DLGAP1: variants seen among roughly 807,000 people sequenced by gnomAD.
The protein encoded by DLGAP1 is disks large-associated protein 1.
A neutral mutation model predicts 90.8 loss-of-function variants in DLGAP1; 11 were observed. That is an observed-to-expected ratio of 0.12 (90% CI 0.08 to 0.20). The LOEUF is 0.20. Ranked by LOEUF, DLGAP1 falls within the 10% of genes least tolerant of loss-of-function variation. DLGAP1 has a pLI of 1.00. For missense variants in DLGAP1, 1,050 were observed against 1,333.8 expected (o/e 0.79, Z 3.31); for synonymous variants, 558 against 540.7 (o/e 1.03, Z -0.44).
intron 1 of DLGAP1, among the ~76,000 whole-genome samples, chr18:4,363,089 A>G (rs1225796634): frequency 6.6e-6 from 1 of 152,162 alleles, no homozygotes; most frequent in Admixed American, 6.5e-5. Flanking sequence ...TACTGACCTA[A>G]GATTTACAGG....
At chr18:3,989,476 A>T (rs932374777) in intron 3 of DLGAP1, among the ~76,000 whole-genome samples, 7 of 152,216 alleles carry the variant, frequency 4.6e-5, no homozygotes, top group Non-Finnish European at 1.0e-4. Context: ...CCATTGTATG[A>T]TAACTCGTCA....
At chr18:4,184,045 C>T (rs888826503) in intron 1 of DLGAP1, among the ~76,000 whole-genome samples, 2 of 152,052 alleles carry the variant, frequency 1.3e-5, no homozygotes, top group Non-Finnish European at 2.9e-5. Context: ...TTACGCAAAG[C>T]AAATCTGTAC....
intron 2 of DLGAP1, among the ~76,000 whole-genome samples, chr18:4,040,789 T>A (rs983329641): frequency 1.3e-5 from 2 of 152,196 alleles, no homozygotes; most frequent in Non-Finnish European, 2.9e-5. Context: ...CAAAGCAGGC[T>A]TGGGGTTTCA....
intron 7 of DLGAP1, among the ~76,000 whole-genome samples, chr18:3,676,192 G>C (rs990979988): frequency 2.0e-5 from 3 of 152,232 alleles, no homozygotes; most frequent in Non-Finnish European, 4.4e-5. Flanking sequence ...GAGCAGACAA[G>C]ATGGCGCAGC....
At chr18:4,230,745 T>C (rs1228135277) in intron 1 of DLGAP1, among the ~76,000 whole-genome samples, 1 of 150,276 alleles carries the variant, frequency 6.7e-6, no homozygotes, top group Non-Finnish European at 1.5e-5. Flanking sequence ...ATAATAATTG[T>C]ACATTTTAAG....
At chr18:3,557,345 C>T (rs939607234) in intron 9 of DLGAP1, among the ~76,000 whole-genome samples, 1 of 152,112 alleles carries the variant, frequency 6.6e-6, no homozygotes. Context: ...TATGGTGAAA[C>T]TCCGTCTCTA....
chr18:3,502,139 T>C (rs1598952675), intron 12 of DLGAP1: 1 of 1,089,692 alleles, frequency 9.2e-7, no homozygotes, highest in East Asian at 6.4e-5. Flanking sequence ...AGTTGAACTC[T>C]TGTTCTATGG....
At chr18:4,128,877 T>C (rs1598447758) in intron 2 of DLGAP1, among the ~76,000 whole-genome samples, 1 of 152,174 alleles carries the variant, frequency 6.6e-6, no homozygotes, top group African/African-American at 2.4e-5. Context: ...ACTGAACAAC[T>C]AACTGCTGGT....
intron 4 of DLGAP1, among the ~76,000 whole-genome samples, chr18:3,873,638 TG>T (rs1175260255): frequency 2.0e-5 from 3 of 152,132 alleles, no homozygotes; most frequent in African/African-American, 7.2e-5. Flanking sequence ...TGGGCAAAGA[TG>T]GAAATAATCT....
intron 8 of DLGAP1, among the ~76,000 whole-genome samples, chr18:3,578,575 T>A (rs1228524112): frequency 6.6e-6 from 1 of 152,078 alleles, no homozygotes; most frequent in East Asian, 1.9e-4. Flanking sequence ...CAGGATGGTG[T>A]CGATCTCTTG....
At chr18:3,567,435 T>C in intron 9 of DLGAP1, 55 bp downstream of exon 9, 1 of 1,465,578 alleles carries the variant, frequency 6.8e-7, no homozygotes, top group Non-Finnish European at 9.5e-7. Context: ...GGAAAAATGC[T>C]TTTACCTTAC....
chr18:4,283,053 T>C (rs1051515028), intron 1 of DLGAP1, among the ~76,000 whole-genome samples: 1 of 152,206 alleles, frequency 6.6e-6, no homozygotes, highest in East Asian at 1.9e-4. Flanking sequence ...GGACAGGCTA[T>C]AAGAAGTAGA....
intron 5 of DLGAP1, among the ~76,000 whole-genome samples, chr18:3,758,110 A>G (rs982326831): frequency 7.0e-4 from 83 of 119,184 alleles, no homozygotes; most frequent in African/African-American, 2.8e-3. Flanking sequence ...CTATCTTGAG[A>G]AAAAAAAAAA....
chr18:3,568,736 G>C (rs931990144), intron 8 of DLGAP1, among the ~76,000 whole-genome samples: 8 of 151,932 alleles, frequency 5.3e-5, no homozygotes, highest in Non-Finnish European at 1.0e-4. Flanking sequence ...ACCCAGGCTG[G>C]AGTGCAGTGG....
intron 2 of DLGAP1, among the ~76,000 whole-genome samples, chr18:4,038,952 A>G (rs1021021447): frequency 6.6e-6 from 1 of 152,116 alleles, no homozygotes; most frequent in Non-Finnish European, 1.5e-5. Flanking sequence ...AGTCAAAATC[A>G]AGGCGCCACA....
intron 5 of DLGAP1, among the ~76,000 whole-genome samples, chr18:3,798,914 C>T (rs1033451491): frequency 6.6e-6 from 1 of 151,634 alleles, no homozygotes; most frequent in Non-Finnish European, 1.5e-5. Flanking sequence ...TGCTTTGTTG[C>T]CCAGGCTGGA....
intron 1 of DLGAP1, among the ~76,000 whole-genome samples, chr18:4,221,710 T>C (rs2078080890): frequency 6.6e-6 from 1 of 152,132 alleles, no homozygotes; most frequent in Non-Finnish European, 1.5e-5. Context: ...TTTAAAGGTA[T>C]TTTTTACTGC....
At chr18:3,535,757 C>T (rs1026815637) in intron 9 of DLGAP1, among the ~76,000 whole-genome samples, 5 of 150,942 alleles carry the variant, frequency 3.3e-5, no homozygotes, top group East Asian at 3.9e-4. Context: ...AAAGGCCGTG[C>T]GCAGTGGCTC....
At chr18:4,402,306 T>G (rs1162477488) in intron 1 of DLGAP1, among the ~76,000 whole-genome samples, 2 of 152,224 alleles carry the variant, frequency 1.3e-5, no homozygotes, top group Non-Finnish European at 2.9e-5. Context: ...AATGTTTCAT[T>G]TAATCCACTA....
Sources: allele counts gnomAD v4.1 joint callset (sites outside exome capture counted in the v4.1 genomes callset), GRCh38; gene constraint gnomAD v4.1.1; transcripts MANE v1.5; gene names NCBI Gene and HGNC (gene_info 2026-07-23, HGNC 2026-07-21).